PTPN3: variants seen among roughly 807,000 people sequenced by gnomAD.
PTPN3 encodes the protein tyrosine-protein phosphatase non-receptor type 3.
PTPN3 carries 96 observed loss-of-function variants against 132.7 expected under a neutral mutation model. That is an observed-to-expected ratio of 0.72 (90% confidence interval 0.61 to 0.86). The LOEUF is 0.86. PTPN3 is among the 40% of genes least tolerant of loss of function. PTPN3 has a pLI of 0.00. For synonymous variants in PTPN3, 398 were observed against 429.0 expected, an observed-to-expected ratio of 0.93 and a Z score of 0.89; for missense variants, 1,125 against 1,159.6, an observed-to-expected ratio of 0.97 and a Z score of 0.43.
intron 7 of PTPN3, among the ~76,000 whole-genome samples, chr9:109,439,564 G>A (rs1237361261): frequency 6.6e-6 from 1 of 152,228 alleles, no homozygotes; most frequent in Admixed American, 6.5e-5. Context: ...AATCTCAGAA[G>A]GGAAGTGGGT....
intron 14 of PTPN3, among the ~76,000 whole-genome samples, chr9:109,413,743 G>A (rs567923977): frequency 6.6e-6 from 1 of 152,232 alleles, no homozygotes; most frequent in Non-Finnish European, 1.5e-5. Context: ...AGGGAGAAAG[G>A]GGCAGAGACA....
rs748641954 is a variant in PTPN3 at position 109,467,660 on chromosome 9, C to T, written c.-17-4209G>A. Among the ~76,000 whole-genome samples, 7 of 152,214 alleles carry T rather than the reference C, an allele frequency of 4.6e-5. No homozygotes were observed. In the East Asian group the frequency reaches 1.3e-3, roughly 29 times the overall value. On this transcript the variant is annotated intron_variant, in intron 1 of 25. Transcript: ENST00000374541. ...GGCAGAAAAAAACTAAGATTTGAAA[C>T]AGGTGCCTCCAAATGAAAGTCACAT...
chr9:109,403,141 T>G (rs1841287926), intron 19 of PTPN3, among the ~76,000 whole-genome samples: 1 of 152,230 alleles, frequency 6.6e-6, no homozygotes, highest in Non-Finnish European at 1.5e-5. Context: ...CAGTCACCTT[T>G]ACTTTTTGGC....
chr9:109,404,394 G>T, intron 19 of PTPN3, 54 bp downstream of exon 19: 2 of 1,260,170 alleles, frequency 1.6e-6, no homozygotes, highest in South Asian at 5.2e-5. Context: ...CTCAGAGGCA[G>T]GGGCAGCCCA....
chr9:109,463,456 A>T lies in PTPN3; in HGVS notation c.-17-5T>A, dbSNP rs1554802431. The T allele has an allele frequency of 2.7e-5, 44 of 1,600,992 alleles. No individual in the cohort carries two copies. The South Asian group carries it at 4.8e-4, about 17-fold the overall frequency. ...TCATAACTATCGCTGAATAACCTGT[A>T]ACATAAAATATACCTGTTAGTGCTT... On this transcript the variant is annotated splice_polypyrimidine_tract_variant and splice_region_variant and intron_variant, in intron 1 of 25. Coordinates refer to ENST00000374541, the MANE Select transcript of PTPN3 (RefSeq NM_002829.4).
chr9:109,499,673 C>T (rs1183655273), upstream of PTPN3, among the ~76,000 whole-genome samples: 1 of 152,220 alleles, frequency 6.6e-6, no homozygotes, highest in African/African-American at 2.4e-5. Context: ...GTGCCAGGTC[C>T]TGGGGGCAGT....
At chr9:109,504,988 G>C in the PTPN3 span, among the ~76,000 whole-genome samples, 4 of 152,158 alleles carry the variant, frequency 2.6e-5, no homozygotes, top group African/African-American at 9.7e-5. Flanking sequence ...AAAGAGAGAG[G>C]AAAACACCTA....
intron 2 of PTPN3, among the ~76,000 whole-genome samples, chr9:109,458,129 G>A (rs1206952456): frequency 6.6e-6 from 1 of 152,216 alleles, no homozygotes; most frequent in Admixed American, 6.5e-5. Context: ...GGCAGTGGCT[G>A]TAACAGAGTG....
At chr9:109,446,274 T>C (rs1844850300) in intron 6 of PTPN3, among the ~76,000 whole-genome samples, 1 of 152,176 alleles carries the variant, frequency 6.6e-6, no homozygotes, top group Non-Finnish European at 1.5e-5. Context: ...GGAACACAGT[T>C]TCTATGGCAG....
Position 109,420,479 on chromosome 9 carries a change from G to C in PTPN3, c.1258C>G (p.Leu420Val), listed in dbSNP as rs374202196. 3.1e-6 allele frequency: 5 copies of C among 1,613,024 alleles called. No individual in the cohort carries two copies. Among genetic ancestry groups the C allele is most frequent in the Non-Finnish European group, 4.2e-6 (5 of 1,179,296 alleles). Residue 420 changes from leucine to valine, a missense_variant, in exon 14 of 26, where the codon CTG (leucine) becomes GTG (valine). By Grantham distance (32) the Leu-to-Val change is conservative. Coordinates refer to ENST00000374541, the MANE Select transcript of PTPN3 (RefSeq NM_002829.4). ...EDVFYTYKGSLAPQDSDSEVS... is the reference protein window; with the variant it reads ...EDVFYTYKGSVAPQDSDSEVS... ...TCAGAATCGCTGTCTTGAGGGGCCA[G>C]AGAGCCCTTGTACGTGTAAAATACA... is the stretch of plus-strand genomic sequence containing the variant.
chr9:109,433,278 A>C (rs1843790103), intron 9 of PTPN3, 117 bp from the exon 10 acceptor site: 2 of 1,413,466 alleles, frequency 1.4e-6, no homozygotes, highest in Non-Finnish European at 1.8e-6. Flanking sequence ...CAAATGGGAA[A>C]ATGCTACTGA....
chr9:109,397,785 CAAT>C (rs551591836), intron 19 of PTPN3: 155 of 152,276 alleles, frequency 1.0e-3, no homozygotes, highest in African/African-American at 3.5e-3. Flanking sequence ...AGACACACAA[CAAT>C]AAGTTATGGC....
chr9:109,413,979 G>T (rs141309691), intron 14 of PTPN3, among the ~76,000 whole-genome samples: 4 of 152,304 alleles, frequency 2.6e-5, no homozygotes, highest in African/African-American at 4.8e-5. Flanking sequence ...TGGTGTGATG[G>T]AACAGGGGCC....
the PTPN3 span, among the ~76,000 whole-genome samples, chr9:109,507,458 C>T: frequency 2.6e-5 from 4 of 152,210 alleles, no homozygotes; most frequent in South Asian, 2.1e-4. Flanking sequence ...ATTTTAAGAA[C>T]GGGGGATGCT....
At chr9:109,479,947 A>G (rs1846882034) in intron 1 of PTPN3, among the ~76,000 whole-genome samples, 1 of 152,180 alleles carries the variant, frequency 6.6e-6, no homozygotes, top group African/African-American at 2.4e-5. Flanking sequence ...CCACCACAAT[A>G]TAAGAGGGTT....
At chr9:109,389,176 T>C (rs949401144) in intron 22 of PTPN3, 57 bp downstream of exon 22, 3 of 1,591,644 alleles carry the variant, frequency 1.9e-6, no homozygotes, top group Admixed American at 1.7e-5. Flanking sequence ...GAGATTCATG[T>C]TACACAGAGT....
intron 1 of PTPN3, among the ~76,000 whole-genome samples, chr9:109,474,258 C>G (rs1846528436): frequency 6.6e-6 from 1 of 152,178 alleles, no homozygotes; most frequent in African/African-American, 2.4e-5. Flanking sequence ...AAGCTGTCCC[C>G]ACGACAGCCT....
intron 14 of PTPN3, among the ~76,000 whole-genome samples, chr9:109,419,145 C>T (rs1386939390): frequency 6.6e-6 from 1 of 152,258 alleles, no homozygotes; most frequent in Non-Finnish European, 1.5e-5. Flanking sequence ...GCAAAAGCAT[C>T]ATCCAAGCTC....
chr9:109,481,899 G>A (rs543354235), intron 1 of PTPN3, among the ~76,000 whole-genome samples: 27 of 152,296 alleles, frequency 1.8e-4, no homozygotes, highest in Admixed American at 1.4e-3. Flanking sequence ...GCTGTCCAGC[G>A]CTCCTGGGCC....
Sources: gnomAD v4.1 joint callset for allele counts (sites outside exome capture counted in the v4.1 genomes callset) on GRCh38, gnomAD v4.1.1 for gene constraint, MANE v1.5 for transcripts, NCBI Gene and HGNC (gene_info 2026-07-23, HGNC 2026-07-21) for gene names.